RASEF: variants seen among roughly 807,000 people sequenced by gnomAD.
The protein encoded by RASEF is ras and EF-hand domain-containing protein.
Under a neutral mutation model 90.1 loss-of-function variants are expected in RASEF, and 68 were observed. That is an observed-to-expected ratio of 0.75 (90% CI 0.62 to 0.92). RASEF has a LOEUF of 0.92. Among genes scored for constraint, RASEF ranks in the 40% least tolerant of loss-of-function variants. The probability of loss-of-function intolerance (pLI) is 0.00; values close to 1 mark genes in which losing one functional copy is unlikely to be tolerated. For missense variants in RASEF, 949 were observed against 937.2 expected (o/e 1.01, Z -0.16); for synonymous variants, 331 against 345.2 (o/e 0.96, Z 0.46).
the RASEF span, among the ~76,000 whole-genome samples, chr9:83,188,794 A>G: frequency 6.6e-6 from 1 of 152,190 alleles, no homozygotes; most frequent in African/African-American, 2.4e-5. Flanking sequence ...AGCCTAACTT[A>G]AGATTTTTAA....
intron 1 of RASEF, among the ~76,000 whole-genome samples, chr9:83,041,335 CTTTTAA>C (rs915975213): frequency 7.9e-5 from 12 of 152,252 alleles, no homozygotes; most frequent in Admixed American, 3.9e-4. Context: ...TTATAATCTA[CTTTTAA>C]TTTTAAGAAT....
At chr9:83,000,695 AT>A (rs2118444507) in intron 10 of RASEF, 125 bp from the exon 11 acceptor site, 3 of 954,054 alleles carry the variant, frequency 3.1e-6, no homozygotes, top group Admixed American at 2.9e-5. Context: ...AGTCAATGCT[AT>A]TAATATTAGG....
chr9:83,144,376 AAAG>A, the RASEF span, among the ~76,000 whole-genome samples: 4 of 65,620 alleles, frequency 6.1e-5, no homozygotes, highest in African/African-American at 3.1e-4. Flanking sequence ...AGAAAGAAAG[AAAG>A]AAAGAAAGAA....
At chr9:83,052,510 AT>A in intron 1 of RASEF, among the ~76,000 whole-genome samples, 1 of 38,872 alleles carries the variant, frequency 2.6e-5, no homozygotes, top group Middle Eastern at 5.7e-3. Flanking sequence ...GGATTCATTG[AT>A]TTTTTGAAGG....
chr9:83,174,993 T>TTCCTGG, the RASEF span, among the ~76,000 whole-genome samples: 6 of 152,278 alleles, frequency 3.9e-5, no homozygotes, highest in South Asian at 1.0e-3. Flanking sequence ...AAAACTCATT[T>TTCCTGG]ATTAGTTCTA....
chr9:83,055,741 C>A, intron 1 of RASEF: 2 of 697,518 alleles, frequency 2.9e-6, no homozygotes, highest in South Asian at 3.1e-5. Context: ...GAGCTCACAT[C>A]AATTTATTTT....
At chr9:83,147,197 G>A in the RASEF span, among the ~76,000 whole-genome samples, 1 of 151,930 alleles carries the variant, frequency 6.6e-6, no homozygotes, top group Non-Finnish European at 1.5e-5. Context: ...TACAGTAGCA[G>A]GAGCCTGATA....
At chr9:83,164,375 G>A in the RASEF span, among the ~76,000 whole-genome samples, 13,921 of 99,574 alleles carry the variant, frequency 0.14, 844 homozygotes, top group African/African-American at 0.25. Flanking sequence ...ATATATATAT[G>A]TGTGTGTGTG....
chr9:83,044,140 T>C (rs1829889304), intron 1 of RASEF, among the ~76,000 whole-genome samples: 1 of 152,208 alleles, frequency 6.6e-6, no homozygotes, highest in Admixed American at 6.5e-5. Flanking sequence ...AATTTCTTCC[T>C]GTTCCTCATT....
intron 1 of RASEF, among the ~76,000 whole-genome samples, chr9:83,061,827 C>T (rs948322428): frequency 2.6e-5 from 4 of 152,318 alleles, no homozygotes; most frequent in African/African-American, 9.6e-5. Context: ...GGGCAAGTCC[C>T]TTAACGTCTG....
rs1037495915 is a variant in RASEF at position 83,044,742 on chromosome 9, T to C, written c.431+17695A>G. Among the ~76,000 whole-genome samples, 4 of 152,174 alleles carry C rather than the reference T, an allele frequency of 2.6e-5. No individual in the cohort carries two copies. In the East Asian group the frequency reaches 7.7e-4, roughly 29 times the overall value. ...TGGCTATGATGGTGAATTTTATTTA[T>C]GTCAACTTGTCTAGGCCACGGTAGC... On this transcript the variant is annotated intron_variant, in intron 1 of 16. Coordinates refer to ENST00000376447, the MANE Select transcript of RASEF (RefSeq NM_152573.4).
At chr9:83,048,105 G>C in intron 1 of RASEF, 1 of 985,172 alleles carries the variant, frequency 1.0e-6, no homozygotes, top group Non-Finnish European at 1.2e-6. Flanking sequence ...ACATCACTGG[G>C]TCAGCATTAC....
At chr9:83,158,621 TG>T in the RASEF span, among the ~76,000 whole-genome samples, 1 of 141,886 alleles carries the variant, frequency 7.0e-6, no homozygotes, top group Non-Finnish European at 1.5e-5. Flanking sequence ...TATGTATATA[TG>T]TACATATGTA....
At chr9:83,075,860 A>G in the RASEF span, among the ~76,000 whole-genome samples, 1 of 152,152 alleles carries the variant, frequency 6.6e-6, no homozygotes, top group Admixed American at 6.5e-5. Flanking sequence ...TAGATAAGTC[A>G]GAAAGAGATC....
intron 16 of RASEF, among the ~76,000 whole-genome samples, chr9:82,988,077 C>T (rs980820462): frequency 6.6e-6 from 1 of 152,240 alleles, no homozygotes; most frequent in African/African-American, 2.4e-5. Flanking sequence ...GTGCCAGCAA[C>T]TATATCACTT....
the RASEF span, among the ~76,000 whole-genome samples, chr9:83,090,976 T>A: frequency 3.9e-5 from 6 of 152,144 alleles, no homozygotes; most frequent in African/African-American, 7.2e-5. Context: ...TAGCTTATGG[T>A]TAGCTACTAA....
intron 16 of RASEF, among the ~76,000 whole-genome samples, chr9:82,986,277 A>G (rs1564067561): frequency 6.6e-6 from 1 of 152,246 alleles, no homozygotes; most frequent in Non-Finnish European, 1.5e-5. Flanking sequence ...CAATAACCAT[A>G]GCATCTTCAC....
rs979401122 is a variant in RASEF, at chr9:83,017,335, A to G, written c.670-1435T>C. Among the ~76,000 whole-genome samples the G allele has an allele frequency of 4.0e-5, 6 of 151,280 alleles. No homozygotes were observed. In the East Asian group the frequency reaches 7.8e-4, roughly 20 times the overall value. On this transcript the variant is annotated intron_variant, in intron 3 of 16. Coordinates refer to ENST00000376447, the MANE Select transcript of RASEF (RefSeq NM_152573.4). Reference sequence around the variant, plus strand: ...CTCGTCTCTACTAAAAAAAAAAAAAAAAAAAAAGAAAGAAATTAGCCGGGT... The same window carrying G: ...CTCGTCTCTACTAAAAAAAAAAAAAGAAAAAAAGAAAGAAATTAGCCGGGT...
intron 1 of RASEF, among the ~76,000 whole-genome samples, chr9:83,059,670 T>C (rs543607554): frequency 6.6e-6 from 1 of 152,220 alleles, no homozygotes; most frequent in Non-Finnish European, 1.5e-5. Context: ...TGGTAGCACC[T>C]GTCCTCCCAA....
Sources: allele counts gnomAD v4.1 joint callset (sites outside exome capture counted in the v4.1 genomes callset), GRCh38; gene constraint gnomAD v4.1.1; transcripts MANE v1.5; gene names NCBI Gene and HGNC (gene_info 2026-07-23, HGNC 2026-07-21).